The following TRMT11 variants were observed in gnomAD, a reference collection of about 807,000 sequenced individuals.
TRMT11 encodes the protein tRNA methyltransferase 11.
TRMT11 carries 53 observed loss-of-function variants against 62.8 expected under a neutral mutation model. The ratio of observed to expected loss-of-function variants is 0.84; its 90% CI spans 0.68 to 1.06. The LOEUF (loss-of-function observed/expected upper bound fraction) is 1.06. TRMT11 is among the 50% of genes least tolerant of loss of function. The pLI is 0.00. For synonymous variants in TRMT11, 188 were observed against 190.3 expected (o/e 0.99, Z 0.10); for missense variants, 556 against 553.4 (o/e 1.00, Z -0.05).
chr6:126,007,866 A>G (rs929337648), intron 7 of TRMT11, among the ~76,000 whole-genome samples: 1 of 152,076 alleles, frequency 6.6e-6, no homozygotes, highest in Admixed American at 6.6e-5. Flanking sequence ...AGGAGTAACT[A>G]TATTAAAATA....
rs539676239 is a variant in TRMT11 at position 126,189,572 on chromosome 6, G to A, written n.144-9227G>A. Among the ~76,000 whole-genome samples the A allele has an allele frequency of 2.0e-5, 3 of 152,174 alleles. No individual in the cohort carries two copies. In the South Asian group the frequency reaches 6.2e-4, roughly 32 times the overall value. ...CTTAATTCCTTCCCTTAGGGTTAAG[G>A]AAAATGGAGCACCTCAGGTTCTGAG... On this transcript the variant is annotated intron_variant and non_coding_transcript_variant, in intron 1 of 3. Coordinates refer to the TRMT11 transcript ENST00000444229.
rs764218159 is a variant in TRMT11, at chr6:125,999,490, T to TA, written c.557dup (p.Tyr186Ter). Reference sequence around the variant, plus strand: ...TGGACAGAGAGAGCTTATTGAGTCATACAGTGTCAAAAAGAGACACTTTAT... The same window carrying TA: ...TGGACAGAGAGAGCTTATTGAGTCATAACAGTGTCAAAAAGAGACACTTTAT... Reference protein sequence around the residue: ...ADGQRELIESYSVKKRHFIGN... With the variant: ...ADGQRELIES The change falls in exon 7 of 13, where the codon TAC becomes TAAC. Residue 186 changes from tyrosine (Y) to a stop codon, truncating the protein, a stop_gained and frameshift_variant. Coordinates refer to ENST00000334379, the MANE Select transcript of TRMT11 (RefSeq NM_001031712.3). LOFTEE classifies it high-confidence loss of function. 46 of 1,610,486 alleles carry TA rather than the reference T, an allele frequency of 2.9e-5. No individual in the cohort carries two copies. Among genetic ancestry groups the TA allele is most frequent in the Non-Finnish European group, 3.8e-5 (45 of 1,178,594 alleles).
chr6:126,202,039 G>A (rs1778739150), exon 4 of TRMT11: 2 of 152,234 alleles, frequency 1.3e-5, no homozygotes, highest in Admixed American at 6.5e-5. Flanking sequence ...GTCCACCACG[G>A]AGAAGATGCC....
At chr6:126,104,239 G>A (rs1482523885) in intron 17 of TRMT11, among the ~76,000 whole-genome samples, 1 of 152,160 alleles carries the variant, frequency 6.6e-6, no homozygotes. Context: ...GCCGTTCAAA[G>A]TGATGTAGTC....
chr6:126,151,973 T>TTTCTTTTCTTTCTTTC (rs1562335041), intron 21 of TRMT11, among the ~76,000 whole-genome samples: 2 of 80,468 alleles, frequency 2.5e-5, no homozygotes, highest in African/African-American at 1.1e-4. Flanking sequence ...TTCTTTCCTC[T>TTTCTTTTCTTTCTTTC]CTCTCTCCCC....
chr6:125,989,581 T>G (rs1790265815), intron 1 of TRMT11, among the ~76,000 whole-genome samples: 1 of 152,178 alleles, frequency 6.6e-6, no homozygotes, highest in South Asian at 2.1e-4. Context: ...GGAGTGTGAC[T>G]GTGTAAAGTA....
intron 16 of TRMT11, among the ~76,000 whole-genome samples, chr6:126,052,904 A>T (rs1270096405): frequency 2.0e-5 from 3 of 152,154 alleles, no homozygotes; most frequent in Non-Finnish European, 2.9e-5. Context: ...CTCTTTCATG[A>T]TCCTAAGTGG....
At chr6:126,095,552 C>T (rs757625126) in intron 17 of TRMT11, among the ~76,000 whole-genome samples, 8 of 152,162 alleles carry the variant, frequency 5.3e-5, no homozygotes, top group African/African-American at 1.7e-4. Flanking sequence ...ATGTAGATCA[C>T]GTTATTCAGT....
chr6:126,187,629 A>G (rs1778541691), intron 1 of TRMT11, among the ~76,000 whole-genome samples: 1 of 152,022 alleles, frequency 6.6e-6, no homozygotes. Context: ...AAATTCTAAA[A>G]TTGAAATTGA....
intron 1 of TRMT11, among the ~76,000 whole-genome samples, chr6:125,990,163 T>C (rs1790365020): frequency 6.6e-6 from 1 of 152,154 alleles, no homozygotes; most frequent in Non-Finnish European, 1.5e-5. Flanking sequence ...TTTCTATTGT[T>C]TCTTTTTGTT....
chr6:126,080,667 A>G (rs570083583), intron 17 of TRMT11, among the ~76,000 whole-genome samples: 47 of 152,284 alleles, frequency 3.1e-4, no homozygotes, highest in Admixed American at 1.4e-3. Context: ...AGTAATTACT[A>G]AATACTCTCT....
chr6:126,239,695 C>T, the TRMT11 span, among the ~76,000 whole-genome samples: 2 of 152,110 alleles, frequency 1.3e-5, no homozygotes, highest in African/African-American at 2.4e-5. Context: ...CTTGGAGTTG[C>T]TCTTCTCGAG....
At chr6:126,228,490 T>G in the TRMT11 span, among the ~76,000 whole-genome samples, 1 of 152,320 alleles carries the variant, frequency 6.6e-6, no homozygotes, top group South Asian at 2.1e-4. Context: ...CGCTGCCTCT[T>G]TAGGGGTCAT....
At chr6:126,172,202 A>G (rs1778337535), upstream of TRMT11, among the ~76,000 whole-genome samples, 1 of 152,028 alleles carries the variant, frequency 6.6e-6, no homozygotes, top group Non-Finnish European at 1.5e-5. Flanking sequence ...CATGTCCTGA[A>G]TTATTTCTGC....
At chr6:126,243,724 T>C in the TRMT11 span, among the ~76,000 whole-genome samples, 3,355 of 152,148 alleles carry the variant, frequency 0.022, 137 homozygotes, top group African/African-American at 0.077. Context: ...TAGGTGGGAA[T>C]TGAATAATGA....
the TRMT11 span, among the ~76,000 whole-genome samples, chr6:126,214,101 T>C: frequency 1.3e-5 from 2 of 151,978 alleles, no homozygotes; most frequent in African/African-American, 4.8e-5. Flanking sequence ...CACTTGATCA[T>C]GATGGAGTGA....
chr6:126,230,632 T>C, the TRMT11 span, among the ~76,000 whole-genome samples: 1 of 152,238 alleles, frequency 6.6e-6, no homozygotes, highest in Admixed American at 6.5e-5. Flanking sequence ...TTTTGCAGTT[T>C]GTCAGTATAT....
At chr6:126,051,477 C>T (rs945148487) in intron 16 of TRMT11, among the ~76,000 whole-genome samples, 4 of 152,120 alleles carry the variant, frequency 2.6e-5, no homozygotes, top group Non-Finnish European at 5.9e-5. Flanking sequence ...CCTGGATTTT[C>T]ACTAGGGAAG....
At chr6:126,181,283 A>G (rs1778463981) in intron 1 of TRMT11, among the ~76,000 whole-genome samples, 1 of 152,232 alleles carries the variant, frequency 6.6e-6, no homozygotes, top group Non-Finnish European at 1.5e-5. Flanking sequence ...GCTGGTAGAA[A>G]TGTTTCACCT....
Sources: gnomAD v4.1 joint callset for allele counts (sites outside exome capture counted in the v4.1 genomes callset) on GRCh38, gnomAD v4.1.1 for gene constraint, MANE v1.5 for transcripts, NCBI Gene and HGNC (gene_info 2026-07-23, HGNC 2026-07-21) for gene names.